The following DDX23 variants were observed in gnomAD, a reference collection of about 807,000 sequenced individuals.
The protein encoded by DDX23 is probable ATP-dependent RNA helicase DDX23.
In DDX23, 33 loss-of-function variants were observed where a neutral mutation model predicts 102.7. The ratio of observed to expected loss-of-function variants is 0.32; its 90% CI spans 0.24 to 0.43. The LOEUF is 0.43. DDX23 is among the 20% of genes least tolerant of loss of function. The pLI is 1.00. For synonymous variants in DDX23, 352 were observed against 376.0 expected (o/e 0.94, Z 0.74); for missense variants, 549 against 1,086.6 (o/e 0.51, Z 6.96).
intron 3 of DDX23, among the ~76,000 whole-genome samples, chr12:48,840,576 ACAGTCT>A (rs1241483041): frequency 4.8e-5 from 7 of 145,374 alleles, no homozygotes; most frequent in African/African-American, 1.8e-4. Context: ...TTTTTGAGAC[ACAGTCT>A]CACTCTGTCG....
At position 48,840,141 on chromosome 12, in the gene DDX23, T is replaced by C. The variant is rs758674183; in HGVS notation, c.321-35A>G. 38 of 1,530,486 alleles carry C rather than the reference T, an allele frequency of 2.5e-5. No individual in the cohort carries two copies. In the East Asian group the frequency reaches 8.1e-4, roughly 33 times the overall value. The allele number at this position is 1,530,486 out of a possible 1,614,324, so 94.8% of individuals were successfully genotyped here. ...AAAGGAACAAGGTCCACATCACTCTTACTTCAGTGCCTGGATGAGGTTCAA... is the reference window on the plus strand; with the variant it reads ...AAAGGAACAAGGTCCACATCACTCTCACTTCAGTGCCTGGATGAGGTTCAA... On this transcript the variant is annotated intron_variant, in intron 3 of 16. Coordinates refer to ENST00000308025, the MANE Select transcript of DDX23 (RefSeq NM_004818.3).
In DDX23 at chr12:48,831,255, T is replaced by A. The variant is rs1227875013; in HGVS notation, c.2126A>T (p.Asn709Ile). The change falls in exon 16 of 17, where the codon AAC becomes ATC. Residue 709 changes from asparagine (N) to isoleucine (I), a missense_variant. By Grantham distance (149) the Asn-to-Ile change is moderately radical (BLOSUM62 -3). Coordinates refer to ENST00000308025, the MANE Select transcript of DDX23 (RefSeq NM_004818.3). ...AATATCCTTGGCCCCAGCCTTGAGG[T>A]TGGACAACGCAAACTCTCGCTGCTC... Reference protein sequence around the residue: ...GQEQREFALSNLKAGAKDILV... With the variant: ...GQEQREFALSILKAGAKDILV... 1 of 1,614,146 alleles carries A rather than the reference T, an allele frequency of 6.2e-7. No homozygotes were observed. The highest frequency in any genetic ancestry group is 8.5e-7 in the Non-Finnish European group (1 of 1,180,010).
At position 48,845,793 on chromosome 12, in the gene DDX23, T is replaced by C; in HGVS notation, c.1-11A>G. On this transcript the variant is annotated splice_polypyrimidine_tract_variant and intron_variant, in intron 1 of 16. Transcript: ENST00000308025. ...CAGCTCTCCTGCCATCTGTAATGAG[T>C]AGGAAGAGTACTTACAATGTACTAG... 6.2e-7 allele frequency: 1 copy of C among 1,613,142 alleles called. No individual in the cohort carries two copies. The highest frequency in any genetic ancestry group is 1.1e-5 in the South Asian group (1 of 90,982).
At chr12:48,839,708 C>T in intron 5 of DDX23, 136 bp downstream of exon 5, 1 of 825,602 alleles carries the variant, frequency 1.2e-6, no homozygotes, top group Non-Finnish European at 1.9e-6. Flanking sequence ...GAAGAAATAA[C>T]CCTGCTGACA....
chr12:48,834,307 T>C lies in DDX23; in HGVS notation c.1560+13A>G, dbSNP rs1355914159. 4.4e-6 allele frequency: 7 copies of C among 1,596,678 alleles called. No homozygotes were observed. The highest frequency in any genetic ancestry group is 2.7e-5 in the African/African-American group (2 of 74,244). ...CCCAGACAGCAGGCTGGCTGCTAGA[T>C]AGAAAAACAAACCTCACAACCCATG... On this transcript the variant is annotated intron_variant, in intron 12 of 16. Transcript: ENST00000308025.
chr12:48,843,151 C>T (rs1181893973), intron 3 of DDX23, among the ~76,000 whole-genome samples: 1 of 149,878 alleles, frequency 6.7e-6, no homozygotes, highest in Non-Finnish European at 1.5e-5. Context: ...CCCAGGGACA[C>T]AAACACTGCG....
chr12:48,843,748 C>T (rs1938614503), intron 3 of DDX23, among the ~76,000 whole-genome samples, 192 bp downstream of exon 3: 1 of 152,020 alleles, frequency 6.6e-6, no homozygotes. Flanking sequence ...CGGGGTTTCA[C>T]CATGTTAGCC....
chr12:48,844,785 T>TA (rs887311975), intron 2 of DDX23, among the ~76,000 whole-genome samples: 2 of 151,558 alleles, frequency 1.3e-5, no homozygotes, highest in African/African-American at 4.8e-5. Context: ...TCTCAACTTT[T>TA]AAGAGTTGGG....
chr12:48,834,537 G>T, intron 11 of DDX23, 40 bp from the exon 12 acceptor site: 2 of 1,587,822 alleles, frequency 1.3e-6, no homozygotes, highest in Non-Finnish European at 1.7e-6. Context: ...GTGAGCTTTG[G>T]TTCTTATCCA....
chr12:48,835,253 A>G, intron 11 of DDX23: 1 of 187,076 alleles, frequency 5.3e-6, no homozygotes, highest in Non-Finnish European at 1.1e-5. Context: ...AAAAATAAAT[A>G]AATAAATAAA....
In DDX23 at chr12:48,850,094, A is replaced by C. The variant is rs567079067; in HGVS notation, c.-1+1990T>G. On this transcript the variant is annotated intron_variant, in intron 1 of 16. Transcript: ENST00000308025. ...GCAATCTAATACTTTGGTGACTTGC[A>C]AGAAAATATATAGCAGAGAGACAGA... Among the ~76,000 whole-genome samples the C allele has an allele frequency of 7.9e-5, 12 of 152,366 alleles. No individual in the cohort carries two copies. In the South Asian group the frequency reaches 2.5e-3, roughly 32 times the overall value.
chr12:48,840,510 A>G (rs545938164), intron 3 of DDX23, among the ~76,000 whole-genome samples: 21 of 152,170 alleles, frequency 1.4e-4, no homozygotes, highest in African/African-American at 5.1e-4. Flanking sequence ...GTCTCTAGTA[A>G]AAACACAAAA....
intron 5 of DDX23, 88 bp from the exon 6 acceptor site, chr12:48,838,168 G>C (rs529785284): frequency 2.5e-6 from 4 of 1,580,986 alleles, no homozygotes; most frequent in African/African-American, 1.4e-5. Context: ...GAACCCAAAA[G>C]TATTTGCTCA....
chr12:48,836,725 T>C lies in DDX23; in HGVS notation c.1080A>G (p.Lys360=), dbSNP rs756093676. The C allele has an allele frequency of 2.5e-6, 4 of 1,614,214 alleles. No individual in the cohort carries two copies. The Admixed American group carries it at 6.7e-5, about 27-fold the overall frequency. The change falls in exon 10 of 17, where the codon AAA becomes AAG. Residue 360 remains lysine (K), a synonymous_variant. Coordinates refer to ENST00000308025, the MANE Select transcript of DDX23 (RefSeq NM_004818.3). This position sits in a 1 kb window ranked among gnomAD's most constrained non-coding sequence, Gnocchi z 6.1. The part of the protein sequence containing the change: ...QRWDDRHWSQ[K]KLDEMTDRDW... ...CCCTGTCCGTCATCTCATCTAACTT[T>C]TTCTGAGACCAATGACGATCATCCC...
chr12:48,848,751 A>ATT (rs71080156), intron 1 of DDX23, among the ~76,000 whole-genome samples: 1 of 133,754 alleles, frequency 7.5e-6, no homozygotes, highest in African/African-American at 2.8e-5. Context: ...CACCTGACTA[A>ATT]TTTTTTTTTT....
rs1462877228 is a variant in DDX23 at position 48,837,562 on chromosome 12, C to T, written c.715G>A (p.Glu239Lys). 1 of 1,614,148 alleles carries T rather than the reference C, an allele frequency of 6.2e-7. No individual in the cohort carries two copies. The highest frequency in any genetic ancestry group is 8.5e-7 in the Non-Finnish European group (1 of 1,180,034). Residue 239 changes from glutamate (E) to lysine (K), a missense_variant, in exon 7 of 17, where the codon GAA becomes AAA. By Grantham distance (56) the Glu-to-Lys change is moderately conservative. Coordinates refer to ENST00000308025, the MANE Select transcript of DDX23 (RefSeq NM_004818.3). The part of the protein sequence containing the change: ...EDEEGRQKIR[E>K]EKDKSKELHA... ...AGTTCCTTGCTCTTATCCTTCTCTT[C>T]CCGGATCTTCTGCCGCCCTTCCTCA...
At chr12:48,851,406 G>A (rs1211313324) in intron 1 of DDX23, among the ~76,000 whole-genome samples, 1 of 152,064 alleles carries the variant, frequency 6.6e-6, no homozygotes, top group African/African-American at 2.4e-5. Flanking sequence ...CCGGGAGGCG[G>A]AGGTTGCAGA....
intron 3 of DDX23, among the ~76,000 whole-genome samples, chr12:48,843,402 C>T (rs1326882106): frequency 6.6e-6 from 1 of 151,688 alleles, no homozygotes; most frequent in East Asian, 1.9e-4. Flanking sequence ...GGAGTCAAGG[C>T]TGCAGTAAGT....
At position 48,832,637 on chromosome 12, in the gene DDX23, G is replaced by A. The variant is rs758165635; in HGVS notation, c.1804-64C>T. ...AATAATCATATATCCCACTGTCACC[G>A]AAGGCAGGTCAGCCCAGACTAAAGA... On this transcript the variant is annotated intron_variant, in intron 13 of 16. Transcript: ENST00000308025. This position sits in a 1 kb window ranked among gnomAD's most constrained non-coding sequence, Gnocchi z 4.4. 42 of 1,579,992 alleles carry A rather than the reference G, an allele frequency of 2.7e-5. No homozygotes were observed. The highest frequency in any genetic ancestry group is 3.4e-5 in the South Asian group (3 of 87,590).
Sources: gnomAD v4.1 joint callset for allele counts (sites outside exome capture counted in the v4.1 genomes callset) on GRCh38, gnomAD v4.1.1 for gene constraint, Gnocchi (gnomAD v3.1) non-coding constraint, MANE v1.5 for transcripts, NCBI Gene and HGNC (gene_info 2026-07-23, HGNC 2026-07-21) for gene names.